The following WDR7 variants were observed in gnomAD, a reference collection of about 807,000 sequenced individuals.
WDR7 encodes the protein WD repeat domain 7, also known as WD repeat-containing protein 7.
A neutral mutation model predicts 169.4 loss-of-function variants in WDR7; 46 were observed. That is an observed-to-expected ratio of 0.27 (90% CI 0.21 to 0.35). The LOEUF (loss-of-function observed/expected upper bound fraction) is 0.35. WDR7 is among the 10% of genes least tolerant of loss of function. The pLI, the probability that WDR7 is intolerant of heterozygous loss-of-function variation, is 1.00. For missense variants in WDR7, 1,534 were observed against 1,859.3 expected (o/e 0.83, Z 3.22); for synonymous variants, 612 against 666.8 (o/e 0.92, Z 1.27).
chr18:56,836,383 G>C (rs1396418212), intron 20 of WDR7, among the ~76,000 whole-genome samples: 1 of 152,208 alleles, frequency 6.6e-6, no homozygotes, highest in Non-Finnish European at 1.5e-5. Context: ...CAGGGCTCCT[G>C]CTGGGCCTCA....
chr18:56,971,964 A>G (rs182699493), intron 26 of WDR7, among the ~76,000 whole-genome samples: 7 of 152,366 alleles, frequency 4.6e-5, no homozygotes, highest in African/African-American at 1.4e-4. Context: ...TGAGTAATAT[A>G]GATGTTGTAA....
rs979194726 is a variant in WDR7 at position 56,731,232 on chromosome 18, T to G, written c.1775-151T>G. ...AGGTGGTAGGTACTACATGGAAGAT[T>G]GTTAGAGGAAGGAAGTACAAAAAAA... is the stretch of plus-strand genomic sequence containing the variant. On this transcript the variant is annotated intron_variant, in intron 13 of 27. Coordinates refer to ENST00000254442, the MANE Select transcript of WDR7 (RefSeq NM_015285.3). 7 of 731,750 alleles carry G rather than the reference T, an allele frequency of 9.6e-6. No homozygotes were observed. In the African/African-American group the frequency reaches 1.1e-4, roughly 11 times the overall value. 45.3% of individuals were successfully genotyped at this position (731,750 alleles called of 1,614,324 possible).
intron 19 of WDR7, among the ~76,000 whole-genome samples, chr18:56,805,715 A>C (rs914627590): frequency 6.6e-6 from 1 of 151,668 alleles, no homozygotes; most frequent in South Asian, 2.1e-4. Flanking sequence ...CTTTCATTGC[A>C]TAGTCACTTG....
At chr18:56,738,402 A>C (rs2144839287) in intron 14 of WDR7, among the ~76,000 whole-genome samples, 1 of 152,242 alleles carries the variant, frequency 6.6e-6, no homozygotes, top group South Asian at 2.1e-4. Flanking sequence ...CCCTGCCTCT[A>C]CAAAAATTAG....
intron 19 of WDR7, among the ~76,000 whole-genome samples, chr18:56,784,544 C>T (rs2044365806): frequency 6.6e-6 from 1 of 152,202 alleles, no homozygotes; most frequent in Admixed American, 6.5e-5. Context: ...ACTATTTATT[C>T]CATCTTGCTT....
chr18:56,880,150 C>A lies in WDR7; in HGVS notation c.3511C>A (p.Leu1171Met), dbSNP rs902828072. ...GLTSGGSNYS[L>M]ARHTCKALTF... The stretch of plus-strand genomic sequence containing the variant: ...GACTAGTGGTGGATCCAACTACTCG[C>A]TGGCCAGACATACTTGTAAGTTTTA... The change falls in exon 21 of 28, where the codon CTG becomes ATG. Residue 1171 changes from leucine (L) to methionine (M), a missense_variant. By Grantham distance (15) the Leu-to-Met change is conservative. Coordinates refer to ENST00000254442, the MANE Select transcript of WDR7 (RefSeq NM_015285.3). 6.2e-7 allele frequency: 1 copy of A among 1,613,732 alleles called. No individual in the cohort carries two copies. Among genetic ancestry groups the A allele is most frequent in the Admixed American group, 1.7e-5 (1 of 59,972 alleles).
chr18:56,774,676 A>G (rs1439262003), intron 16 of WDR7, among the ~76,000 whole-genome samples: 1 of 152,080 alleles, frequency 6.6e-6, no homozygotes, highest in Non-Finnish European at 1.5e-5. Context: ...TTTCTTATGT[A>G]GATAGTTGTG....
chr18:57,008,208 C>T (rs2048092773), intron 26 of WDR7, among the ~76,000 whole-genome samples: 1 of 152,114 alleles, frequency 6.6e-6, no homozygotes, highest in Non-Finnish European at 1.5e-5. Flanking sequence ...CTTGCCCTCT[C>T]CTTCCTGTCC....
chr18:56,735,600 T>C (rs1003796797), intron 14 of WDR7, among the ~76,000 whole-genome samples: 12 of 152,150 alleles, frequency 7.9e-5, no homozygotes, highest in African/African-American at 2.2e-4. Flanking sequence ...TCCTGAATTG[T>C]CACTGCAAAT....
chr18:56,685,300 A>G (rs1198104844), intron 5 of WDR7, among the ~76,000 whole-genome samples: 1 of 152,192 alleles, frequency 6.6e-6, no homozygotes, highest in African/African-American at 2.4e-5. Flanking sequence ...AGAAAATTGT[A>G]TTTAAGATAG....
At chr18:56,884,932 G>C (rs1248436060) in intron 21 of WDR7, among the ~76,000 whole-genome samples, 1 of 152,218 alleles carries the variant, frequency 6.6e-6, no homozygotes, top group Non-Finnish European at 1.5e-5. Context: ...TGGTATCCAT[G>C]GCTGAGAGAC....
intron 26 of WDR7, among the ~76,000 whole-genome samples, chr18:56,983,578 G>C (rs928814964): frequency 2.6e-5 from 1 of 38,296 alleles, no homozygotes. Context: ...CACAGAGAGA[G>C]AGAGAGAGAG....
chr18:56,897,707 T>C (rs1237064433), intron 21 of WDR7, among the ~76,000 whole-genome samples: 1 of 151,992 alleles, frequency 6.6e-6, no homozygotes, highest in African/African-American at 2.4e-5. Context: ...ATGTGTACAC[T>C]TTGATTCAGT....
At chr18:56,966,577 T>C (rs1022003816) in intron 26 of WDR7, among the ~76,000 whole-genome samples, 4 of 152,174 alleles carry the variant, frequency 2.6e-5, no homozygotes, top group Non-Finnish European at 4.4e-5. Flanking sequence ...GTCAACTTAT[T>C]GGTTAAGGCT....
chr18:56,933,009 A>G (rs1281624028), intron 22 of WDR7, among the ~76,000 whole-genome samples: 1 of 152,128 alleles, frequency 6.6e-6, no homozygotes, highest in Non-Finnish European at 1.5e-5. Context: ...TGAGTTTGCT[A>G]TGATCCTGCT....
intron 4 of WDR7, 77 bp downstream of exon 4, chr18:56,681,468 C>G (rs2025349066): frequency 1.0e-6 from 1 of 964,676 alleles, no homozygotes; most frequent in Admixed American, 3.2e-5. Flanking sequence ...AACATTGAGC[C>G]TATATTTTTA....
At chr18:56,724,209 A>AT (rs58382196) in intron 13 of WDR7, among the ~76,000 whole-genome samples, 77,267 of 97,960 alleles carry the variant, frequency 0.79, 31,858 homozygotes, top group East Asian at 0.94. Context: ...ATGCCTGGTA[A>AT]TTTTTTTTTT....
intron 26 of WDR7, among the ~76,000 whole-genome samples, chr18:57,005,400 ACT>A (rs2048041443): frequency 6.6e-6 from 1 of 152,130 alleles, no homozygotes; most frequent in Non-Finnish European, 1.5e-5. Flanking sequence ...GGCAACTATG[ACT>A]CTCATCTCTG....
chr18:56,794,304 A>AT lies in WDR7; in HGVS notation c.3190+12671dup, dbSNP rs566857049. Among the ~76,000 whole-genome samples the AT allele has an allele frequency of 5.1e-3, 253 of 49,458 alleles. 44 individuals carry two copies. Among genetic ancestry groups the AT allele is most frequent in the South Asian group, 0.037 (30 of 804 alleles). The allele number at this position is 49,458 out of a possible 152,430, so 32.4% of individuals were successfully genotyped here. ...GTTTGTGTCTTAAAAGGTAAAGTCT[A>AT]TTTTTTTTTTTTTTTTTTTTTTTGA... is the stretch of plus-strand genomic sequence containing the variant. On this transcript the variant is annotated intron_variant, in intron 19 of 27. Transcript: ENST00000254442.
Sources: gnomAD v4.1 joint callset for allele counts (sites outside exome capture counted in the v4.1 genomes callset) on GRCh38, gnomAD v4.1.1 for gene constraint, MANE v1.5 for transcripts, NCBI Gene and HGNC (gene_info 2026-07-23, HGNC 2026-07-21) for gene names.